The following MAP2 variants were observed in gnomAD, a reference collection of about 807,000 sequenced individuals.
MAP2 encodes the protein microtubule-associated protein 2.
Under a neutral mutation model 137.6 loss-of-function variants are expected in MAP2, and 14 were observed. That is an observed-to-expected ratio of 0.10 (90% CI 0.07 to 0.16). MAP2 has a LOEUF of 0.16. MAP2 is among the 10% of genes least tolerant of loss of function. MAP2 has a pLI of 1.00. For synonymous variants in MAP2, 786 were observed against 782.3 expected (o/e 1.00, Z -0.08); for missense variants, 2,088 against 2,191.5 (o/e 0.95, Z 0.94).
chr2:209,725,636 A>C, intron 13 of MAP2, 73 bp from the exon 14 acceptor site: 1 of 905,368 alleles, frequency 1.1e-6, no homozygotes, highest in Non-Finnish European at 1.6e-6. Context: ...GTGTGTTTCT[A>C]GATCTTATGT....
At chr2:209,726,172 A>T (rs752861901) in intron 14 of MAP2, among the ~76,000 whole-genome samples, 3 of 152,112 alleles carry the variant, frequency 2.0e-5, no homozygotes, top group South Asian at 2.1e-4. Flanking sequence ...GGCTTTCTAC[A>T]TTATGTAAAA....
At chr2:209,719,323 C>G (rs1481590881) in intron 13 of MAP2, among the ~76,000 whole-genome samples, 1 of 152,166 alleles carries the variant, frequency 6.6e-6, no homozygotes, top group Non-Finnish European at 1.5e-5. Flanking sequence ...CCACATCTCA[C>G]CACGTTGAGC....
intron 2 of MAP2, among the ~76,000 whole-genome samples, chr2:209,551,975 C>T (rs2069275312): frequency 6.6e-6 from 1 of 152,178 alleles, no homozygotes; most frequent in South Asian, 2.1e-4. Context: ...ACTCAATATA[C>T]CATACTTACC....
At chr2:209,587,679 A>C (rs1453766049) in intron 3 of MAP2, among the ~76,000 whole-genome samples, 1 of 152,138 alleles carries the variant, frequency 6.6e-6, no homozygotes, top group African/African-American at 2.4e-5. Context: ...ATCTAAGAAA[A>C]AAATCAAATA....
chr2:209,497,260 C>G (rs116392225), intron 1 of MAP2, among the ~76,000 whole-genome samples: 3,358 of 152,208 alleles, frequency 0.022, 44 homozygotes, highest in Non-Finnish European at 0.033. Context: ...GGTTGGTGGC[C>G]TCATAAGAAG....
chr2:209,661,540 G>A (rs2043636588), intron 5 of MAP2: 3 of 985,376 alleles, frequency 3.0e-6, no homozygotes, highest in African/African-American at 1.7e-5. Context: ...GCCTCACTGC[G>A]AAGCATCTGG....
chr2:209,579,837 T>TA (rs1473070536), intron 2 of MAP2, 199 bp from the exon 3 acceptor site: 1 of 152,168 alleles, frequency 6.6e-6, no homozygotes, highest in African/African-American at 2.4e-5. Flanking sequence ...AATCTCAGAG[T>TA]AAAGATCTTT....
intron 1 of MAP2, among the ~76,000 whole-genome samples, chr2:209,436,030 A>ACAGTATATATTATATAC (rs1459219355): frequency 7.3e-6 from 1 of 137,330 alleles, no homozygotes; most frequent in Admixed American, 7.9e-5. Context: ...TATAAAATAT[A>ACAGTATATATTATATAC]TATATATGTA....
At chr2:209,502,324 TA>T (rs1344236305) in intron 1 of MAP2, among the ~76,000 whole-genome samples, 2 of 152,324 alleles carry the variant, frequency 1.3e-5, no homozygotes, top group East Asian at 3.9e-4. Context: ...AGATTCCACA[TA>T]AGTGAGATTA....
intron 1 of MAP2, among the ~76,000 whole-genome samples, chr2:209,442,137 A>C (rs977867236): frequency 1.3e-5 from 2 of 151,624 alleles, no homozygotes; most frequent in Non-Finnish European, 3.0e-5. Flanking sequence ...CAGATGTTCT[A>C]ACCAGGGCTA....
intron 1 of MAP2, among the ~76,000 whole-genome samples, chr2:209,494,510 A>G (rs1243319497): frequency 2.0e-5 from 3 of 152,038 alleles, no homozygotes; most frequent in Admixed American, 6.6e-5. Flanking sequence ...CCTCACTGCT[A>G]TAGTCCTACC....
chr2:209,730,979 C>CT lies in MAP2; in HGVS notation c.*583dup, dbSNP rs2075704182. The CT allele has an allele frequency of 6.6e-6, 1 of 152,560 alleles. No individual in the cohort carries two copies. The highest frequency in any genetic ancestry group is 2.4e-5 in the African/African-American group (1 of 41,366). The allele number at this position is 152,560 out of a possible 1,614,324, so 9.5% of individuals were successfully genotyped here. On this transcript the variant is annotated 3_prime_UTR_variant, in exon 16 of 16. Transcript: ENST00000682079. ...TATGTCAGTCCAATAAATTATTTAA[C>CT]TAATTAAAAAATAGTTGCAAAGCAT... is the stretch of plus-strand genomic sequence containing the variant.
chr2:209,511,203 C>G (rs970681259), intron 2 of MAP2, among the ~76,000 whole-genome samples: 5 of 152,044 alleles, frequency 3.3e-5, no homozygotes, highest in Non-Finnish European at 7.4e-5. Context: ...TTTGCAAAAT[C>G]AAAAGTTAAA....
At chr2:209,597,467 C>T (rs796379344) in intron 3 of MAP2, among the ~76,000 whole-genome samples, 10 of 152,234 alleles carry the variant, frequency 6.6e-5, no homozygotes, top group African/African-American at 2.4e-4. Flanking sequence ...ATGTTAGCTC[C>T]GTCTCTCATC....
At chr2:209,628,329 C>A (rs999224779) in intron 4 of MAP2, among the ~76,000 whole-genome samples, 1 of 152,144 alleles carries the variant, frequency 6.6e-6, no homozygotes, top group East Asian at 1.9e-4. Context: ...ATTTTTCACA[C>A]AAAAACCTTA....
At chr2:209,605,191 G>A (rs939257443) in intron 3 of MAP2, among the ~76,000 whole-genome samples, 7 of 152,072 alleles carry the variant, frequency 4.6e-5, no homozygotes, top group Non-Finnish European at 8.8e-5. Context: ...CTCAACAAAC[G>A]TATTTCAGTG....
intron 2 of MAP2, among the ~76,000 whole-genome samples, chr2:209,560,464 G>T (rs2153345650): frequency 6.7e-6 from 1 of 149,970 alleles, no homozygotes; most frequent in South Asian, 2.1e-4. Context: ...AACTGGTGTG[G>T]TGACAACTTT....
intron 2 of MAP2, among the ~76,000 whole-genome samples, chr2:209,569,876 T>G (rs2074104468): frequency 6.6e-6 from 1 of 151,770 alleles, no homozygotes; most frequent in Non-Finnish European, 1.5e-5. Context: ...AGGAGTTAAT[T>G]TCAACAAGAT....
At chr2:209,487,687 T>G (rs1463458185) in intron 1 of MAP2, among the ~76,000 whole-genome samples, 1 of 152,172 alleles carries the variant, frequency 6.6e-6, no homozygotes, top group Non-Finnish European at 1.5e-5. Flanking sequence ...AATAAATGGA[T>G]AAAAATAAGC....
Sources: allele counts gnomAD v4.1 joint callset (sites outside exome capture counted in the v4.1 genomes callset), GRCh38; gene constraint gnomAD v4.1.1; transcripts MANE v1.5; gene names NCBI Gene and HGNC (gene_info 2026-07-23, HGNC 2026-07-21).